The following CKAP5 variants were observed in gnomAD, a reference collection of about 807,000 sequenced individuals.
The protein encoded by CKAP5 is cytoskeleton-associated protein 5.
A neutral mutation model predicts 232.8 loss-of-function variants in CKAP5; 27 were observed. That is an observed-to-expected ratio of 0.12 (90% confidence interval 0.09 to 0.16). The LOEUF is 0.16. Ranked by LOEUF, CKAP5 falls within the 10% of genes least tolerant of loss-of-function variation. The probability of loss-of-function intolerance (pLI) is 1.00; values close to 1 mark genes in which losing one functional copy is unlikely to be tolerated. For synonymous variants in CKAP5, 785 were observed against 841.1 expected, an observed-to-expected ratio of 0.93 and a Z score of 1.16; for missense variants, 1,838 against 2,424.7, an observed-to-expected ratio of 0.76 and a Z score of 5.08.
At chr11:46,757,760 G>T (rs1201287038) in intron 35 of CKAP5, among the ~76,000 whole-genome samples, 3 of 147,224 alleles carry the variant, frequency 2.0e-5, no homozygotes, top group African/African-American at 7.5e-5. Flanking sequence ...GCTAATTTTT[G>T]TATTTTTAGT....
chr11:46,785,581 G>C (rs1330139922), intron 16 of CKAP5, among the ~76,000 whole-genome samples: 1 of 152,148 alleles, frequency 6.6e-6, no homozygotes, highest in African/African-American at 2.4e-5. Context: ...TCTCAAGTGG[G>C]ATCTCACCTC....
intron 1 of CKAP5, among the ~76,000 whole-genome samples, chr11:46,830,440 C>CAAAAAA (rs71042623): frequency 1.5e-5 from 1 of 67,904 alleles, no homozygotes; most frequent in Non-Finnish European, 2.8e-5. Context: ...GACTCCGTCT[C>CAAAAAA]AAAAAAAAAA....
In CKAP5 at chr11:46,784,576, T is replaced by C. The variant is rs772285455; in HGVS notation, c.2066A>G (p.Lys689Arg). 5 of 1,614,142 alleles carry C rather than the reference T, an allele frequency of 3.1e-6. No homozygotes were observed. The highest frequency in any genetic ancestry group is 2.7e-5 in the African/African-American group (2 of 75,044). The change falls in exon 17 of 44, where the codon AAG (lysine) becomes AGG (arginine). Residue 689 changes from lysine (K) to arginine (R), a missense_variant. Transcript: ENST00000529230. ...GTTCCCACATTTCACATCTCCAATC[T>C]TGTCCACAAGGCCATCTAATACAAC... ...AQVVLDGLVDKIGDVKCGNNA... is the reference protein window; with the variant it reads ...AQVVLDGLVDRIGDVKCGNNA...
At chr11:46,749,824 G>A (rs2065049551) in intron 42 of CKAP5, among the ~76,000 whole-genome samples, 1 of 151,678 alleles carries the variant, frequency 6.6e-6, no homozygotes, top group Non-Finnish European at 1.5e-5. Context: ...GGTGGCGCAT[G>A]CCTGTAATCC....
At chr11:46,754,407 T>C (rs1270914060) in intron 36 of CKAP5, among the ~76,000 whole-genome samples, 1 of 152,198 alleles carries the variant, frequency 6.6e-6, no homozygotes, top group East Asian at 1.9e-4. Flanking sequence ...AGAAAGAATA[T>C]TGAAATCTGA....
At chr11:46,845,930 ACCGCCCGCGCCCCGCGGACGCTG>A (rs1391802179) in intron 1 of CKAP5, among the ~76,000 whole-genome samples, 9 of 151,642 alleles carry the variant, frequency 5.9e-5, no homozygotes, top group Non-Finnish European at 1.0e-4. Flanking sequence ...GCGGCCCTGC[ACCGCCCGCGCCCCGCGGACGCTG>A]CCACCCGCGC....
intron 18 of CKAP5, among the ~76,000 whole-genome samples, chr11:46,781,700 C>T (rs548069672): frequency 1.3e-5 from 2 of 152,194 alleles, no homozygotes; most frequent in African/African-American, 4.8e-5. Flanking sequence ...GGTCTCTACT[C>T]AAATGTCATT....
intron 16 of CKAP5, among the ~76,000 whole-genome samples, chr11:46,785,934 G>A (rs1460090511): frequency 6.6e-6 from 1 of 152,096 alleles, no homozygotes; most frequent in African/African-American, 2.4e-5. Flanking sequence ...GCAAGAGAGT[G>A]AGACTTTGTC....
intron 1 of CKAP5, among the ~76,000 whole-genome samples, chr11:46,842,572 G>T (rs1160390379): frequency 1.3e-5 from 2 of 152,166 alleles, no homozygotes; most frequent in African/African-American, 4.8e-5. Flanking sequence ...GTTTCCTCTC[G>T]TGGGTCTTAC....
chr11:46,777,659 A>C, intron 22 of CKAP5, 107 bp from the exon 23 acceptor site: 1 of 678,692 alleles, frequency 1.5e-6, no homozygotes, highest in African/African-American at 1.8e-5. Flanking sequence ...TTTTTGGCCT[A>C]CTCAAGAGAC....
chr11:46,801,353 A>C (rs1156320856), intron 8 of CKAP5, 49 bp from the exon 9 acceptor site: 1 of 1,382,462 alleles, frequency 7.2e-7, no homozygotes, highest in Non-Finnish European at 1.0e-6. Flanking sequence ...GCCATGTAGA[A>C]GGGTATTGAA....
chr11:46,808,189 C>T (rs762888736), intron 7 of CKAP5, 45 bp from the exon 8 acceptor site: 36 of 1,267,370 alleles, frequency 2.8e-5, no homozygotes, highest in Middle Eastern at 3.7e-4. Context: ...AATAAGAGAG[C>T]GGAATAAAAG....
chr11:46,744,950 A>G (rs540232753), intron 42 of CKAP5, among the ~76,000 whole-genome samples: 8 of 152,364 alleles, frequency 5.3e-5, no homozygotes, highest in South Asian at 2.1e-4. Context: ...GTTTGGAAGA[A>G]TTAGATTAAG....
At chr11:46,826,498 C>T (rs1939655221) in intron 1 of CKAP5, among the ~76,000 whole-genome samples, 1 of 152,180 alleles carries the variant, frequency 6.6e-6, no homozygotes, top group Non-Finnish European at 1.5e-5. Flanking sequence ...CAACCCTCTC[C>T]TCACCCCAAG....
At chr11:46,761,497 C>T (rs2065154881) in intron 32 of CKAP5, among the ~76,000 whole-genome samples, 2 of 152,064 alleles carry the variant, frequency 1.3e-5, no homozygotes, top group South Asian at 4.1e-4. Flanking sequence ...TGTGTAAATA[C>T]ATGGTGACAC....
chr11:46,788,431 G>A (rs1006379491), intron 16 of CKAP5, among the ~76,000 whole-genome samples: 5 of 152,220 alleles, frequency 3.3e-5, no homozygotes, highest in African/African-American at 7.2e-5. Context: ...AAAATTAGCC[G>A]GGCATGGTAG....
At position 46,764,010 on chromosome 11, in the gene CKAP5, A is replaced by T. The variant is rs535678993; in HGVS notation, c.3538-380T>A. ...ACCACTATGCCCAGCTAATTAAAAA[A>T]TTTTTTTCGTAGAGATGAAGTCTCA... On this transcript the variant is annotated intron_variant, in intron 28 of 43. Transcript: ENST00000529230. Among the ~76,000 whole-genome samples the T allele has an allele frequency of 9.2e-5, 14 of 152,040 alleles. 1 individual carries two copies. Among genetic ancestry groups the T allele is most frequent in the Admixed American group, 6.6e-4 (10 of 15,266 alleles).
intron 36 of CKAP5, among the ~76,000 whole-genome samples, 178 bp downstream of exon 36, chr11:46,754,710 G>A (rs1383830725): frequency 6.6e-6 from 1 of 152,196 alleles, no homozygotes; most frequent in Non-Finnish European, 1.5e-5. Context: ...ACAGTAAGGT[G>A]GGATGGAGTG....
chr11:46,840,104 C>T (rs906025129), intron 1 of CKAP5, among the ~76,000 whole-genome samples: 14 of 151,828 alleles, frequency 9.2e-5, no homozygotes, highest in Admixed American at 2.0e-4. Flanking sequence ...CCAGCCTGGG[C>T]GACAGAGTGA....
Sources: allele counts gnomAD v4.1 joint callset (sites outside exome capture counted in the v4.1 genomes callset), GRCh38; gene constraint gnomAD v4.1.1; transcripts MANE v1.5; gene names NCBI Gene and HGNC (gene_info 2026-07-23, HGNC 2026-07-21).